The following ACYP2 variants were observed in gnomAD, a reference collection of about 807,000 sequenced individuals.
The protein encoded by ACYP2 is acylphosphatase 2, also known as acylphosphatase-2.
In ACYP2, 12 loss-of-function variants were observed where a neutral mutation model predicts 11.2. The observed-to-expected ratio is 1.08, with a 90% CI of 0.69 to 1.74. The LOEUF is 1.74. ACYP2 is among the 40% of genes most tolerant of loss of function. ACYP2 has a pLI of 0.00. For synonymous variants in ACYP2, 43 were observed against 32.2 expected (o/e 1.33, Z -1.13); for missense variants, 134 against 101.9 (o/e 1.31, Z -1.35).
At chr2:54,073,560 T>G (rs958284337) in intron 4 of ACYP2, among the ~76,000 whole-genome samples, 1 of 152,188 alleles carries the variant, frequency 6.6e-6, no homozygotes, top group African/African-American at 2.4e-5. Flanking sequence ...AAAATTTTTG[T>G]GTTTCAAAAG....
chr2:54,077,015 A>C (rs1331409656), intron 4 of ACYP2, among the ~76,000 whole-genome samples: 2 of 152,238 alleles, frequency 1.3e-5, no homozygotes, highest in East Asian at 3.8e-4. Context: ...ACACATACAC[A>C]TATAAATCAG....
chr2:54,231,278 C>T (rs890716811), intron 6 of ACYP2, among the ~76,000 whole-genome samples: 2 of 152,134 alleles, frequency 1.3e-5, no homozygotes, highest in African/African-American at 4.8e-5. Context: ...TCATATTTGG[C>T]TCAGAATAAA....
chr2:54,294,229 A>C (rs1481399549), intron 6 of ACYP2, among the ~76,000 whole-genome samples: 2 of 152,156 alleles, frequency 1.3e-5, no homozygotes, highest in Non-Finnish European at 2.9e-5. Flanking sequence ...ATATTAGTTA[A>C]ATGGAATTTT....
chr2:54,278,229 C>T (rs780703557), intron 6 of ACYP2, among the ~76,000 whole-genome samples: 3 of 152,196 alleles, frequency 2.0e-5, no homozygotes, highest in Admixed American at 6.5e-5. Context: ...CCGCCCGCCT[C>T]GGACTCCCAA....
chr2:53,973,671 A>G, intron 1 of ACYP2: 1 of 229,276 alleles, frequency 4.4e-6, no homozygotes, highest in Non-Finnish European at 8.4e-6. Flanking sequence ...ACCTATAAGA[A>G]CTAATGGTAA....
At chr2:54,001,438 G>T (rs1052424321) in intron 2 of ACYP2, among the ~76,000 whole-genome samples, 1 of 152,164 alleles carries the variant, frequency 6.6e-6, no homozygotes, top group Non-Finnish European at 1.5e-5. Context: ...TTGTCGCCCA[G>T]GTTGAAGTGC....
chr2:54,212,936 G>C lies in ACYP2; in HGVS notation c.404+74188G>C, dbSNP rs1212581268. Among the ~76,000 whole-genome samples, 7 of 149,250 alleles carry C rather than the reference G, an allele frequency of 4.7e-5. No homozygotes were observed. The East Asian group carries it at 9.7e-4, about 21-fold the overall frequency. The stretch of plus-strand genomic sequence containing the variant: ...TTTTTTTTTTTTAAATGTCATGGCT[G>C]TTTTTTCTCCAACTTTTATTTTAGG... On this transcript the variant is annotated intron_variant, in intron 6 of 6. Transcript: ENST00000607452.
At chr2:54,177,637 G>T (rs930268778) in intron 6 of ACYP2, among the ~76,000 whole-genome samples, 2 of 149,718 alleles carry the variant, frequency 1.3e-5, no homozygotes, top group African/African-American at 2.5e-5. Context: ...GAGTGTAGTG[G>T]CACGATCTCG....
chr2:54,167,742 C>A (rs1040584917), intron 6 of ACYP2, among the ~76,000 whole-genome samples: 1 of 152,000 alleles, frequency 6.6e-6, no homozygotes, highest in African/African-American at 2.4e-5. Context: ...GTTATGATAT[C>A]CATAATTTTA....
At chr2:54,163,627 G>T (rs1380725311) in intron 6 of ACYP2, among the ~76,000 whole-genome samples, 2 of 152,154 alleles carry the variant, frequency 1.3e-5, no homozygotes, top group Non-Finnish European at 2.9e-5. Flanking sequence ...GGCCTAGGGG[G>T]GTGGCTCACC....
chr2:54,284,021 G>A (rs1290544893), intron 6 of ACYP2, among the ~76,000 whole-genome samples: 1 of 152,230 alleles, frequency 6.6e-6, no homozygotes, highest in Admixed American at 6.5e-5. Context: ...TGAGGCAGGA[G>A]AATCACTTGA....
chr2:54,196,835 T>A (rs1684502349), intron 6 of ACYP2, among the ~76,000 whole-genome samples: 3 of 152,252 alleles, frequency 2.0e-5, no homozygotes, highest in Admixed American at 2.0e-4. Flanking sequence ...AATTGCCTGT[T>A]TGATTTCCTG....
intron 6 of ACYP2, chr2:54,255,415 C>T (rs1687453491): frequency 6.2e-7 from 1 of 1,613,992 alleles, no homozygotes; most frequent in Non-Finnish European, 8.5e-7. Flanking sequence ...CGGGATATTG[C>T]GAATGATGTC....
intron 6 of ACYP2, among the ~76,000 whole-genome samples, chr2:54,297,577 G>A (rs1040356842): frequency 5.3e-5 from 8 of 152,006 alleles, no homozygotes; most frequent in East Asian, 1.9e-4. Context: ...TGAATTTGGG[G>A]AAAATAATTC....
At chr2:53,999,586 A>G (rs1672714364) in intron 2 of ACYP2, among the ~76,000 whole-genome samples, 1 of 152,316 alleles carries the variant, frequency 6.6e-6, no homozygotes. Context: ...GAAGCCCTGC[A>G]TAGGAGAGAC....
At chr2:53,972,638 T>G (rs544624772) in intron 1 of ACYP2, among the ~76,000 whole-genome samples, 8 of 151,824 alleles carry the variant, frequency 5.3e-5, no homozygotes, top group African/African-American at 1.9e-4. Flanking sequence ...TGGCTTCGTC[T>G]GGAAAATGGG....
At chr2:54,279,127 A>C (rs1344033674) in intron 6 of ACYP2, among the ~76,000 whole-genome samples, 1 of 152,260 alleles carries the variant, frequency 6.6e-6, no homozygotes, top group Non-Finnish European at 1.5e-5. Context: ...GTATATCAAG[A>C]ATTTAAGAAC....
chr2:54,247,307 T>C (rs977148250), intron 6 of ACYP2, among the ~76,000 whole-genome samples: 1 of 152,192 alleles, frequency 6.6e-6, no homozygotes, highest in Non-Finnish European at 1.5e-5. Context: ...AGGAGAGTTC[T>C]AGACAGTGAC....
chr2:54,193,837 G>A (rs999888775), intron 6 of ACYP2, among the ~76,000 whole-genome samples: 1 of 152,120 alleles, frequency 6.6e-6, no homozygotes, highest in East Asian at 1.9e-4. Flanking sequence ...TAATGTATTA[G>A]AAAGTAATTG....
Sources: allele counts gnomAD v4.1 joint callset (sites outside exome capture counted in the v4.1 genomes callset), GRCh38; gene constraint gnomAD v4.1.1; transcripts MANE v1.5; gene names NCBI Gene and HGNC (gene_info 2026-07-23, HGNC 2026-07-21).